Variants in UBXN11 observed in about 807,000 individuals in gnomAD.
UBXN11 encodes UBX domain-containing protein 11.
UBXN11 carries 47 observed loss-of-function variants against 62.8 expected under a neutral mutation model. The ratio of observed to expected loss-of-function variants is 0.75; its 90% CI spans 0.59 to 0.95. The LOEUF (loss-of-function observed/expected upper bound fraction) is 0.95. Ranked by LOEUF, UBXN11 falls within the 40% of genes least tolerant of loss-of-function variation. UBXN11 has a pLI of 0.00. For missense variants in UBXN11, 638 were observed against 661.7 expected, an observed-to-expected ratio of 0.96 and a Z score of 0.39; for synonymous variants, 294 against 267.0, an observed-to-expected ratio of 1.10 and a Z score of -0.99.
intron 1 of UBXN11, among the ~76,000 whole-genome samples, chr1:26,303,556 G>C (rs1340984935): frequency 1.3e-5 from 2 of 151,028 alleles, no homozygotes; most frequent in Admixed American, 6.6e-5. Flanking sequence ...CCCAGGAGGT[G>C]GGGAGGATGC....
At chr1:26,313,843 C>T (rs182444804) in intron 1 of UBXN11, among the ~76,000 whole-genome samples, 18 of 148,464 alleles carry the variant, frequency 1.2e-4, no homozygotes, top group African/African-American at 3.7e-4. Context: ...TGCAGTGGCA[C>T]GATCTCGGCT....
chr1:26,282,797 G>A lies in UBXN11; in HGVS notation c.1152-8C>T. ...TTGGGTGACTCCTGGCTCCTGCACA[G>A]CCCAGAGGCCATCAGCACGCGGTGA... On this transcript the variant is annotated splice_polypyrimidine_tract_variant and splice_region_variant and intron_variant, in intron 13 of 14. Transcript: ENST00000374222. 1 of 1,614,144 alleles carries A rather than the reference G, an allele frequency of 6.2e-7. No homozygotes were observed. The highest frequency in any genetic ancestry group is 8.5e-7 in the Non-Finnish European group (1 of 1,180,026).
rs775271796 is a variant in UBXN11, at chr1:26,284,487, C to A, written c.853-5G>T. 13 of 1,588,248 alleles carry A rather than the reference C, an allele frequency of 8.2e-6. No individual in the cohort carries two copies. In the East Asian group the frequency reaches 2.0e-4, roughly 25 times the overall value. On this transcript the variant is annotated splice_polypyrimidine_tract_variant and splice_region_variant and intron_variant, in intron 10 of 14. Coordinates refer to ENST00000374222, the MANE Select transcript of UBXN11 (RefSeq NM_001389556.1). Reference sequence around the variant, plus strand: ...CTGATTGCGCAAGTCACTCACCTGGCAAGAAAGAAGGGCAACGACGGCAGC... The same window carrying A: ...CTGATTGCGCAAGTCACTCACCTGGAAAGAAAGAAGGGCAACGACGGCAGC...
intron 1 of UBXN11, among the ~76,000 whole-genome samples, chr1:26,317,072 A>C (rs1162965149): frequency 6.6e-6 from 1 of 151,630 alleles, no homozygotes; most frequent in Non-Finnish European, 1.5e-5. Flanking sequence ...CCGCTAAAAA[A>C]AAAAAAAAAA....
chr1:26,285,910 G>A lies in UBXN11; in HGVS notation c.687C>T (p.Thr229=). The A allele has an allele frequency of 1.2e-6, 2 of 1,613,658 alleles. No individual in the cohort carries two copies. Among genetic ancestry groups the A allele is most frequent in the South Asian group, 2.2e-5 (2 of 91,060 alleles). The change falls in exon 9 of 15, where the codon ACC becomes ACT. Residue 229 remains threonine, a synonymous_variant. Coordinates refer to ENST00000374222, the MANE Select transcript of UBXN11 (RefSeq NM_001389556.1). ...AGAGCTTCAGCGGGATGGGCTCGAG[G>A]GTACGCAGCCGTGCCCCGCCGGGCA... ...TPVPGGARLR[T]LEPIPLKLYR... is the part of the protein sequence containing the mutation.
intron 1 of UBXN11, among the ~76,000 whole-genome samples, chr1:26,314,705 C>CA (rs773896717): frequency 1.3e-5 from 2 of 152,158 alleles, no homozygotes; most frequent in Non-Finnish European, 2.9e-5. Context: ...AGAGAAGTGA[C>CA]AAAATCTAGT....
chr1:26,300,283 G>A (rs891706220), intron 4 of UBXN11, among the ~76,000 whole-genome samples: 19 of 152,170 alleles, frequency 1.2e-4, no homozygotes, highest in African/African-American at 4.6e-4. Context: ...CGCTGCCCTC[G>A]CTGTTCCCAT....
At chr1:26,296,232 G>T (rs982053385) in intron 7 of UBXN11, among the ~76,000 whole-genome samples, 1 of 152,202 alleles carries the variant, frequency 6.6e-6, no homozygotes, top group Non-Finnish European at 1.5e-5. Context: ...GGTGACTGGG[G>T]TCACTGAGTC....
intron 1 of UBXN11, among the ~76,000 whole-genome samples, chr1:26,316,873 A>T (rs531433958): frequency 1.4e-5 from 2 of 142,228 alleles, no homozygotes; most frequent in East Asian, 4.1e-4. Flanking sequence ...CTCCCCTCCC[A>T]TTCATCCTCA....
chr1:26,284,828 C>T (rs762068321), intron 10 of UBXN11: 97 of 1,060,878 alleles, frequency 9.1e-5, no homozygotes, highest in Non-Finnish European at 9.2e-5. Flanking sequence ...ACCGCATCAT[C>T]GTACATGTAA....
intron 8 of UBXN11, 88 bp downstream of exon 8, chr1:26,294,116 TG>T: frequency 6.5e-7 from 1 of 1,531,824 alleles, no homozygotes; most frequent in Non-Finnish European, 8.8e-7. Flanking sequence ...CGGGCACGAA[TG>T]AGATAGGCCT....
chr1:26,282,442 C>T lies in UBXN11; in HGVS notation c.1420G>A (p.Ala474Thr). Residue 474 changes from alanine to threonine, a missense_variant, in exon 15 of 15, where the codon GCC becomes ACC. Ala to Thr is a moderately conservative substitution (Grantham distance 58, BLOSUM62 0). Transcript: ENST00000374222. ...KAALLLRARR[A>T]PKSSLKFSPG... ...CTGAATTTCAGGCTGGACTTCGGGG[C>T]TCGGCGTGCCCGCAGCAGCAGTGCT... 6.2e-7 allele frequency: 1 copy of T among 1,611,878 alleles called. No homozygotes were observed. Among genetic ancestry groups the T allele is most frequent in the Non-Finnish European group, 8.5e-7 (1 of 1,179,420 alleles).
intron 1 of UBXN11, among the ~76,000 whole-genome samples, chr1:26,316,389 C>T (rs1215725269): frequency 4.6e-5 from 7 of 151,540 alleles, no homozygotes; most frequent in Admixed American, 4.6e-4. Flanking sequence ...GTAAATGAGG[C>T]CTAAAGTAGA....
intron 4 of UBXN11, 41 bp downstream of exon 4, chr1:26,300,885 C>T: frequency 6.2e-7 from 1 of 1,613,910 alleles, no homozygotes; most frequent in Non-Finnish European, 8.5e-7. Flanking sequence ...GGGGCCCCCT[C>T]CTGCAGCCAG....
chr1:26,290,868 G>A (rs1167015441), intron 8 of UBXN11, among the ~76,000 whole-genome samples: 1 of 152,088 alleles, frequency 6.6e-6, no homozygotes, highest in East Asian at 1.9e-4. Context: ...GAGAACTTCA[G>A]AGCTGACCAG....
Position 26,297,997 on chromosome 1 carries a change from G to A in UBXN11, c.265C>T (p.Gln89Ter). Residue 89 changes from glutamine (Q) to a stop codon, truncating the protein, a stop_gained, in exon 5 of 15, where the codon CAG (glutamine) becomes TAG (stop). Transcript: ENST00000374222. LOFTEE classifies it high-confidence loss of function. Reference sequence around the variant, plus strand: ...ATCTCATCAGTCTGGGCCTTCACCTGCTGCTCCAGGTCCCACAACTTCCTC... The same window carrying A: ...ATCTCATCAGTCTGGGCCTTCACCTACTGCTCCAGGTCCCACAACTTCCTC... ...MTRKLWDLEQ[Q>*]VKAQTDEILS... 3.7e-6 allele frequency: 6 copies of A among 1,613,968 alleles called. No individual in the cohort carries two copies. Among genetic ancestry groups the A allele is most frequent in the Non-Finnish European group, 5.1e-6 (6 of 1,179,950 alleles).
At chr1:26,316,003 T>C (rs568964958) in intron 1 of UBXN11, among the ~76,000 whole-genome samples, 3 of 135,004 alleles carry the variant, frequency 2.2e-5, no homozygotes, top group African/African-American at 8.4e-5. Flanking sequence ...TCTGTCACCC[T>C]GGCTGGAGTG....
chr1:26,303,017 G>A, intron 1 of UBXN11, 99 bp from the exon 2 acceptor site: 1 of 741,746 alleles, frequency 1.3e-6, no homozygotes, highest in Middle Eastern at 3.8e-4. Context: ...TCTTCCTAAT[G>A]GGAAGCGCTG....
In UBXN11 at chr1:26,297,419, C is replaced by T; in HGVS notation, c.355+8G>A. ...GGGGCGCAGGTCAGCCCTCCAAGAG[C>T]CCCCTACCTGGGTGTGGCCGGAGGG... On this transcript the variant is annotated splice_region_variant and intron_variant, in intron 6 of 14. Transcript: ENST00000374222. 2 of 1,540,234 alleles carry T rather than the reference C, an allele frequency of 1.3e-6. No homozygotes were observed. Among genetic ancestry groups the T allele is most frequent in the Non-Finnish European group, 8.8e-7 (1 of 1,142,700 alleles).
Sources: allele counts gnomAD v4.1 joint callset (sites outside exome capture counted in the v4.1 genomes callset), GRCh38; gene constraint gnomAD v4.1.1; transcripts MANE v1.5; gene names NCBI Gene and HGNC (gene_info 2026-07-23, HGNC 2026-07-21).